Variants in VPS13B observed in about 807,000 individuals in gnomAD.
The protein encoded by VPS13B is vacuolar protein sorting 13 homolog B.
Under a neutral mutation model 426.4 loss-of-function variants are expected in VPS13B, and 285 were observed. The ratio of observed to expected loss-of-function variants is 0.67; its 90% confidence interval spans 0.61 to 0.74. The LOEUF (loss-of-function observed/expected upper bound fraction) is 0.74, where lower values mean the gene tolerates loss of function less well. VPS13B is among the 30% of genes least tolerant of loss of function. The pLI, the probability that VPS13B is intolerant of heterozygous loss-of-function variation, is 0.00. For synonymous variants in VPS13B, 1,676 were observed against 1,676.4 expected, an observed-to-expected ratio of 1.00 and a Z score of 0.01; for missense variants, 4,537 against 4,782.6, an observed-to-expected ratio of 0.95 and a Z score of 1.51.
chr8:99,231,473 T>C (rs1816319745), intron 17 of VPS13B, among the ~76,000 whole-genome samples: 2 of 152,164 alleles, frequency 1.3e-5, no homozygotes, highest in African/African-American at 2.4e-5. Flanking sequence ...TCTCCAATAT[T>C]CTCTCTCTCT....
intron 40 of VPS13B, among the ~76,000 whole-genome samples, chr8:99,771,416 C>A (rs971488448): frequency 6.6e-6 from 1 of 152,146 alleles, no homozygotes; most frequent in Non-Finnish European, 1.5e-5. Context: ...AAAAATTAAA[C>A]CTCTGGCGAG....
chr8:99,419,929 C>T (rs1334867297), intron 21 of VPS13B, among the ~76,000 whole-genome samples: 2 of 152,092 alleles, frequency 1.3e-5, no homozygotes, highest in African/African-American at 4.8e-5. Context: ...AACAAACACT[C>T]TGTTGGTGTC....
At chr8:99,329,320 A>G (rs1275050845) in intron 19 of VPS13B, among the ~76,000 whole-genome samples, 1 of 152,134 alleles carries the variant, frequency 6.6e-6, no homozygotes, top group Non-Finnish European at 1.5e-5. Flanking sequence ...GTATATTACA[A>G]TCAATGCTTA....
chr8:99,667,508 T>C (rs1378404608), intron 35 of VPS13B, among the ~76,000 whole-genome samples: 1 of 152,174 alleles, frequency 6.6e-6, no homozygotes, highest in Non-Finnish European at 1.5e-5. Flanking sequence ...AAGTACTTTT[T>C]TTATTTGAGA....
chr8:99,595,441 A>C (rs970313970), intron 33 of VPS13B, among the ~76,000 whole-genome samples: 3 of 151,930 alleles, frequency 2.0e-5, no homozygotes, highest in Non-Finnish European at 4.4e-5. Context: ...AGAATGAAGG[A>C]AAATGCCTAA....
chr8:99,478,461 T>G (rs796098403), intron 24 of VPS13B, among the ~76,000 whole-genome samples: 6,259 of 122,528 alleles, frequency 0.051, 68 homozygotes, highest in Non-Finnish European at 0.07. Flanking sequence ...TTTTTTTTTT[T>G]TTTTGTTTTT....
At chr8:99,748,883 T>C (rs1265392486) in intron 39 of VPS13B, among the ~76,000 whole-genome samples, 1 of 152,080 alleles carries the variant, frequency 6.6e-6, no homozygotes, top group Non-Finnish European at 1.5e-5. Context: ...AAGCAGAATT[T>C]CTGGCACACA....
In VPS13B at chr8:99,485,986, T is replaced by C. The variant is rs78371972; in HGVS notation, c.3870+4184T>C. 1.1e-3 allele frequency among the ~76,000 whole-genome samples: 169 copies of C among 152,280 alleles called. 2 individuals carry two copies. Among genetic ancestry groups the C allele is most frequent in the African/African-American group, 3.6e-3 (150 of 41,556 alleles). On this transcript the variant is annotated intron_variant, in intron 25 of 61. Transcript: ENST00000357162. ...GACTCTCCCTTTTTCTGGTTCATTTTCTCATGTGGTTTGTAATATCTTATT... is the reference window on the plus strand; with the variant it reads ...GACTCTCCCTTTTTCTGGTTCATTTCCTCATGTGGTTTGTAATATCTTATT...
chr8:99,347,549 G>C (rs982367158), intron 19 of VPS13B: 4 of 152,228 alleles, frequency 2.6e-5, no homozygotes, highest in Admixed American at 1.3e-4. Flanking sequence ...TGTATGAGAT[G>C]GGCTGTATGC....
chr8:99,823,497 T>A (rs1041851644), intron 50 of VPS13B, among the ~76,000 whole-genome samples: 2 of 152,130 alleles, frequency 1.3e-5, no homozygotes, highest in Admixed American at 6.5e-5. Flanking sequence ...CCAAGTAAGA[T>A]GAGTGGCATT....
At chr8:99,321,137 G>GGCTCA (rs1218808408) in intron 19 of VPS13B, among the ~76,000 whole-genome samples, 1 of 151,826 alleles carries the variant, frequency 6.6e-6, no homozygotes, top group East Asian at 1.9e-4. Flanking sequence ...AATTTAGATT[G>GGCTCA]GCTCAGATGA....
intron 43 of VPS13B, among the ~76,000 whole-genome samples, chr8:99,793,944 T>TGGG (rs1812684457): frequency 6.6e-6 from 1 of 152,178 alleles, no homozygotes; most frequent in African/African-American, 2.4e-5. Flanking sequence ...TGTAAAACAT[T>TGGG]TATAAAGTTC....
intron 39 of VPS13B, among the ~76,000 whole-genome samples, chr8:99,740,214 A>G (rs1262857373): frequency 6.6e-6 from 1 of 152,230 alleles, no homozygotes; most frequent in Admixed American, 6.5e-5. Flanking sequence ...ACTGGAAGAA[A>G]GGGTATCAGT....
At chr8:99,314,443 T>C (rs1289992495) in intron 19 of VPS13B, among the ~76,000 whole-genome samples, 2 of 152,228 alleles carry the variant, frequency 1.3e-5, no homozygotes, top group African/African-American at 4.8e-5. Flanking sequence ...CCATTTAGTC[T>C]AAAGTACAGC....
chr8:99,286,000 A>T (rs1819418258), intron 19 of VPS13B, among the ~76,000 whole-genome samples: 1 of 151,962 alleles, frequency 6.6e-6, no homozygotes, highest in African/African-American at 2.4e-5. Flanking sequence ...CCTCCCTCTG[A>T]CTTTTGCCCT....
intron 15 of VPS13B, among the ~76,000 whole-genome samples, chr8:99,169,309 T>C (rs865918542): frequency 1.2e-4 from 18 of 152,176 alleles, no homozygotes; most frequent in Non-Finnish European, 2.4e-4. Flanking sequence ...AGAAATATCA[T>C]CAGTTCTCTA....
rs1020696484 is a variant in VPS13B, at chr8:99,537,772, G to A, written c.4745+16762G>A. Among the ~76,000 whole-genome samples the A allele has an allele frequency of 2.6e-5, 4 of 152,252 alleles. No individual in the cohort carries two copies. The East Asian group carries it at 7.7e-4, about 29-fold the overall frequency. On this transcript the variant is annotated intron_variant, in intron 30 of 61. Coordinates refer to ENST00000357162, the MANE Select transcript of VPS13B (RefSeq NM_152564.5). ...TACTGTAATTCTTTTCATGTGTTTG[G>A]TGGTGGCTTTTATATGATGATCAGT...
In VPS13B at chr8:99,853,924, T is replaced by C. The variant is rs1176621926; in HGVS notation, c.10535T>C (p.Phe3512Ser). The C allele has an allele frequency of 1.2e-6, 2 of 1,614,244 alleles. No individual in the cohort carries two copies. Among genetic ancestry groups the C allele is most frequent in the Admixed American group, 1.7e-5 (1 of 60,030 alleles). Residue 3512 changes from phenylalanine to serine, a missense_variant, in exon 56 of 62, where the codon TTT becomes TCT. By Grantham distance (155) the Phe-to-Ser change is radical. This residue lies in a region of VPS13B where 4,311 missense variants were observed against 4,474.3 expected (regional missense o/e 0.96). Coordinates refer to ENST00000357162, the MANE Select transcript of VPS13B (RefSeq NM_152564.5). The stretch of plus-strand genomic sequence containing the variant: ...GCTCGGTTATACGTGGAAGACACAT[T>C]TGTATACTACATCAAGACTTTGTTT... ...KPARLYVEDT[F>S]VYYIKTLFDT...
chr8:99,405,570 A>G (rs750491651), intron 21 of VPS13B, among the ~76,000 whole-genome samples: 2 of 152,170 alleles, frequency 1.3e-5, no homozygotes, highest in African/African-American at 2.4e-5. Flanking sequence ...AGCAAGAGTC[A>G]TCTTATTAAA....
Sources: allele counts gnomAD v4.1 joint callset (sites outside exome capture counted in the v4.1 genomes callset), GRCh38; gene constraint gnomAD v4.1.1; regional missense constraint gnomAD v4.1.1; transcripts MANE v1.5; gene names NCBI Gene and HGNC (gene_info 2026-07-23, HGNC 2026-07-21).